PDE10A: variants seen among roughly 807,000 people sequenced by gnomAD.
The protein encoded by PDE10A is cAMP and cAMP-inhibited cGMP 3',5'-cyclic phosphodiesterase 10A.
Under a neutral mutation model 97.7 loss-of-function variants are expected in PDE10A, and 39 were observed. The observed-to-expected ratio is 0.40, with a 90% CI of 0.31 to 0.52. PDE10A has a LOEUF of 0.52. Ranked by LOEUF, PDE10A falls within the 20% of genes least tolerant of loss-of-function variation. The pLI is 0.56. For missense variants in PDE10A, 731 were observed against 1,047.8 expected (o/e 0.70, Z 4.17); for synonymous variants, 371 against 376.8 (o/e 0.98, Z 0.18).
chr6:165,905,284 T>C (rs1227911204), intron 1 of PDE10A, among the ~76,000 whole-genome samples: 3 of 152,222 alleles, frequency 2.0e-5, no homozygotes, highest in African/African-American at 4.8e-5. Flanking sequence ...AATGAAATTT[T>C]ATTATATTTA....
chr6:165,948,018 G>C (rs1207291558), intron 1 of PDE10A, among the ~76,000 whole-genome samples: 2 of 151,286 alleles, frequency 1.3e-5, no homozygotes, highest in African/African-American at 2.5e-5. Context: ...ATCAGAATTC[G>C]ACCTGAATCT....
intron 1 of PDE10A, among the ~76,000 whole-genome samples, chr6:165,985,525 T>G (rs922468100): frequency 3.9e-5 from 6 of 152,024 alleles, no homozygotes; most frequent in African/African-American, 1.4e-4. Flanking sequence ...ACCTCCAACT[T>G]CAGGAGGAGG....
intron 1 of PDE10A, among the ~76,000 whole-genome samples, chr6:165,564,210 A>C (rs1264967818): frequency 2.0e-5 from 3 of 152,198 alleles, no homozygotes; most frequent in African/African-American, 7.2e-5. Context: ...TGAAGAGTCC[A>C]ACACTGTTCC....
At chr6:165,730,490 A>C (rs1424110744) in intron 1 of PDE10A, among the ~76,000 whole-genome samples, 1 of 152,138 alleles carries the variant, frequency 6.6e-6, no homozygotes, top group Admixed American at 6.6e-5. Context: ...GGTGATTCAC[A>C]CCTGTAATCC....
intron 1 of PDE10A, among the ~76,000 whole-genome samples, chr6:165,648,567 G>A (rs1789524688): frequency 1.3e-5 from 2 of 152,056 alleles, no homozygotes; most frequent in South Asian, 2.1e-4. Flanking sequence ...TCAGCCATAC[G>A]CAGTACTTTC....
chr6:165,920,708 A>G (rs1782731240), intron 1 of PDE10A, among the ~76,000 whole-genome samples: 1 of 152,152 alleles, frequency 6.6e-6, no homozygotes. Context: ...CCTCCCTGGT[A>G]TCTTTCTACT....
At chr6:165,637,263 A>G (rs1788920424) in intron 1 of PDE10A, among the ~76,000 whole-genome samples, 1 of 152,190 alleles carries the variant, frequency 6.6e-6, no homozygotes, top group Non-Finnish European at 1.5e-5. Flanking sequence ...TCACAGATCA[A>G]GGCTGAAGCA....
At chr6:165,674,345 G>T (rs1583761447) in intron 1 of PDE10A, among the ~76,000 whole-genome samples, 1 of 151,132 alleles carries the variant, frequency 6.6e-6, no homozygotes, top group Non-Finnish European at 1.5e-5. Flanking sequence ...AAAAAAAAAG[G>T]TGTGGTTCTG....
chr6:165,548,423 T>C (rs968675049), intron 1 of PDE10A, among the ~76,000 whole-genome samples: 3 of 152,092 alleles, frequency 2.0e-5, no homozygotes, highest in African/African-American at 4.8e-5. Flanking sequence ...CATCTCTTAC[T>C]TTCCCCCATT....
rs1424742999 is a variant in PDE10A at position 165,459,510 on chromosome 6, TAGATAGATAGATAGACAGAC to T, written c.1024-9168_1024-9149del. On this transcript the variant is annotated intron_variant, in intron 3 of 21. Coordinates refer to ENST00000539869, the MANE Select transcript of PDE10A (RefSeq NM_001385079.1). ...TGCATTAGATAGATAGATAGATAGA[TAGATAGATAGATAGACAGAC>T]AGACAGACAGACAGACAGACAGACA... Among the ~76,000 whole-genome samples the T allele has an allele frequency of 6.5e-3, 387 of 59,610 alleles. 5 individuals carry two copies. Among genetic ancestry groups the T allele is most frequent in the African/African-American group, 0.029 (350 of 12,258 alleles). The allele number at this position is 59,610 out of a possible 152,430, so 39.1% of individuals were successfully genotyped here. A position where few individuals can be genotyped will look rare whatever the true frequency, so the allele number is the denominator to read the frequency against.
chr6:165,340,923 C>T (rs1042309474), intron 19 of PDE10A, among the ~76,000 whole-genome samples: 3 of 152,214 alleles, frequency 2.0e-5, no homozygotes, highest in Non-Finnish European at 2.9e-5. Flanking sequence ...GAATTATTAT[C>T]ATCCCTATCT....
At chr6:165,961,976 C>A (rs1295234151) in intron 1 of PDE10A, among the ~76,000 whole-genome samples, 1 of 152,222 alleles carries the variant, frequency 6.6e-6, no homozygotes, top group Non-Finnish European at 1.5e-5. Flanking sequence ...TACCTAGGCA[C>A]TTTGCGTGTG....
chr6:165,448,874 G>T, intron 5 of PDE10A, 54 bp downstream of exon 5: 1 of 1,051,258 alleles, frequency 9.5e-7, no homozygotes, highest in South Asian at 1.5e-5. Flanking sequence ...TTTTTTAAAG[G>T]AGCTTATGAT....
chr6:165,484,804 G>A (rs1205914359), intron 2 of PDE10A, among the ~76,000 whole-genome samples: 4 of 152,066 alleles, frequency 2.6e-5, no homozygotes, highest in East Asian at 1.9e-4. Context: ...TTTAGTCCAC[G>A]TGTGACTTGC....
chr6:165,333,080 G>T lies in PDE10A; in HGVS notation c.3113C>A (p.Ala1038Glu), dbSNP rs1368268745. Residue 1038 changes from alanine (A) to glutamate (E), a missense_variant, in exon 22 of 22, where the codon GCA becomes GAA. By Grantham distance (107) the Ala-to-Glu change is moderately radical (BLOSUM62 -1). This residue lies in a region of PDE10A where 34 missense variants were observed against 29.7 expected (regional missense o/e 1.14). Transcript: ENST00000539869. ...WEKVIRGEET[A>E]TWISSPSVAQ... is the part of the protein sequence containing the mutation. ...CACGGATGGGGATGAAATCCAGGTT[G>T]CAGTCTCCTCCCCTCGAATCACCTT... The T allele has an allele frequency of 6.2e-7, 1 of 1,613,072 alleles. No homozygotes were observed. The highest frequency in any genetic ancestry group is 1.7e-5 in the Admixed American group (1 of 60,022).
In PDE10A at chr6:165,875,206, C is replaced by T. The variant is rs544947513; in HGVS notation, c.-615+112323G>A. On this transcript the variant is annotated intron_variant, in intron 1 of 19. Coordinates refer to the PDE10A transcript ENST00000366882. ...GGTTTAGGACAAACTTGTGCATGTGCTTTTCCTACCAGGAGGATAACATCA... is the reference window on the plus strand; with the variant it reads ...GGTTTAGGACAAACTTGTGCATGTGTTTTTCCTACCAGGAGGATAACATCA... 2.7e-5 allele frequency among the ~76,000 whole-genome samples: 4 copies of T among 148,692 alleles called. No individual in the cohort carries two copies. The South Asian group carries it at 8.3e-4, about 31-fold the overall frequency.
At position 165,456,461 on chromosome 6, in the gene PDE10A, T is replaced by C. The variant is rs1777960207; in HGVS notation, c.1024-6099A>G. ...CTGACTCCTTCCTCTTAGCATATAA[T>C]TCTGAGAACAGGCTCTTTAATAATG... On this transcript the variant is annotated intron_variant, in intron 3 of 21. Coordinates refer to ENST00000539869, the MANE Select transcript of PDE10A (RefSeq NM_001385079.1). Among the ~76,000 whole-genome samples the C allele has an allele frequency of 2.6e-5, 4 of 152,218 alleles. No individual in the cohort carries two copies. The South Asian group carries it at 8.3e-4, about 32-fold the overall frequency.
At chr6:165,371,810 T>C (rs1365078686) in intron 18 of PDE10A, among the ~76,000 whole-genome samples, 4 of 152,206 alleles carry the variant, frequency 2.6e-5, no homozygotes, top group Admixed American at 6.5e-5. Flanking sequence ...TTGATGAACA[T>C]TGATGCAAAA....
In PDE10A at chr6:165,725,283, G is replaced by T. The variant is rs540544005; in HGVS notation, c.-614-181715C>A. Among the ~76,000 whole-genome samples, 23 of 152,338 alleles carry T rather than the reference G, an allele frequency of 1.5e-4. 1 individual carries two copies. The highest frequency in any genetic ancestry group is 5.3e-4 in the African/African-American group (22 of 41,578). The stretch of plus-strand genomic sequence containing the variant: ...CTCTGTCCCTGCAATAAGGCAGAGG[G>T]TCTAATTGAGCTATCACAAGCCACT... On this transcript the variant is annotated intron_variant, in intron 1 of 19. Coordinates refer to the PDE10A transcript ENST00000366882.
Sources: gnomAD v4.1 joint callset for allele counts (sites outside exome capture counted in the v4.1 genomes callset) on GRCh38, gnomAD v4.1.1 for gene constraint, gnomAD v4.1.1 regional missense constraint, MANE v1.5 for transcripts, NCBI Gene and HGNC (gene_info 2026-07-23, HGNC 2026-07-21) for gene names.